SNX25: variants seen among roughly 807,000 people sequenced by gnomAD.
SNX25 encodes the protein sorting nexin 25.
In SNX25, 62 loss-of-function variants were observed where a neutral mutation model predicts 113.7. The observed-to-expected ratio is 0.55, with a 90% CI of 0.44 to 0.67. The LOEUF is 0.67. Ranked by LOEUF, SNX25 falls within the 30% of genes least tolerant of loss-of-function variation. SNX25 has a pLI of 0.00. For synonymous variants in SNX25, 421 were observed against 436.2 expected, an observed-to-expected ratio of 0.97 and a Z score of 0.43; for missense variants, 1,014 against 1,161.0, an observed-to-expected ratio of 0.87 and a Z score of 1.84.
chr4:185,226,850 G>A (rs1741073541), intron 1 of SNX25, among the ~76,000 whole-genome samples: 1 of 151,870 alleles, frequency 6.6e-6, no homozygotes, highest in Admixed American at 6.6e-5. Flanking sequence ...TTAATCCAAT[G>A]TTTTGTAAAC....
downstream of SNX25, chr4:185,370,890 C>CT (rs1173774836): frequency 6.8e-7 from 1 of 1,477,466 alleles, no homozygotes; most frequent in African/African-American, 1.4e-5. Flanking sequence ...CGCCTAGAGA[C>CT]TGTCCTTGTG....
chr4:185,215,774 G>A (rs750621050), intron 1 of SNX25, among the ~76,000 whole-genome samples: 10 of 151,458 alleles, frequency 6.6e-5, no homozygotes, highest in East Asian at 1.9e-4. Flanking sequence ...TGGTATAAGC[G>A]TTGTTTTACT....
chr4:185,278,868 G>A (rs565981133), intron 5 of SNX25, among the ~76,000 whole-genome samples: 51 of 152,238 alleles, frequency 3.4e-4, no homozygotes, highest in African/African-American at 1.1e-3. Flanking sequence ...AAAACTATGA[G>A]GAACAGTAGT....
intron 6 of SNX25, among the ~76,000 whole-genome samples, chr4:185,292,451 G>A (rs560699400): frequency 2.0e-5 from 3 of 152,144 alleles, no homozygotes; most frequent in African/African-American, 7.2e-5. Flanking sequence ...CGGGCTGGAG[G>A]GCAATGACAC....
intron 5 of SNX25, among the ~76,000 whole-genome samples, chr4:185,270,510 G>T (rs1021038200): frequency 2.6e-5 from 4 of 152,204 alleles, no homozygotes; most frequent in Non-Finnish European, 4.4e-5. Context: ...CTAAACTGAA[G>T]AATACCTTTT....
intron 4 of SNX25, among the ~76,000 whole-genome samples, chr4:185,266,729 C>T (rs955922171): frequency 6.6e-6 from 1 of 152,108 alleles, no homozygotes; most frequent in African/African-American, 2.4e-5. Context: ...TTTTACATTT[C>T]ACTTATTTAT....
intron 1 of SNX25, among the ~76,000 whole-genome samples, chr4:185,233,676 A>G (rs1360081914): frequency 6.6e-6 from 1 of 152,068 alleles, no homozygotes; most frequent in Non-Finnish European, 1.5e-5. Flanking sequence ...TTTCAAGTAC[A>G]TGTTCTGATT....
chr4:185,318,889 C>A lies in SNX25; in HGVS notation c.1345-1844C>A, dbSNP rs147475043. On this transcript the variant is annotated intron_variant, in intron 7 of 18. Coordinates refer to ENST00000652585, the MANE Select transcript of SNX25 (RefSeq NM_001378034.2). ...CTGAGTCATGCAGGAAGCTGTCTTT[C>A]CTTTTGTTCCTCAGCAGAAGCTACA... Among the ~76,000 whole-genome samples, 1,282 of 152,250 alleles carry A rather than the reference C, an allele frequency of 8.4e-3. 16 individuals carry two copies. Among genetic ancestry groups the A allele is most frequent in the African/African-American group, 0.029 (1,220 of 41,540 alleles).
intron 1 of SNX25, among the ~76,000 whole-genome samples, chr4:185,239,407 C>T (rs1029928287): frequency 2.0e-5 from 3 of 152,156 alleles, no homozygotes; most frequent in Non-Finnish European, 4.4e-5. Flanking sequence ...GGCTTGAACC[C>T]AGGACGCGGA....
intron 3 of SNX25, among the ~76,000 whole-genome samples, chr4:185,259,991 A>G (rs11943200): frequency 0.028 from 4,248 of 152,176 alleles, 86 homozygotes; most frequent in Middle Eastern, 0.068. Flanking sequence ...GAGCCGTGAC[A>G]TGCCCACGGT....
In SNX25 at chr4:185,314,846, G is replaced by C. The variant is rs573384531; in HGVS notation, c.1344+4030G>C. Among the ~76,000 whole-genome samples the C allele has an allele frequency of 1.5e-3, 181 of 117,148 alleles. 1 individual carries two copies. Among genetic ancestry groups the C allele is most frequent in the Middle Eastern group, 6.4e-3 (1 of 156 alleles). 76.9% of individuals were successfully genotyped at this position (117,148 alleles called of 152,430 possible). ...GCACTCAAGCCTGGCGACAAAGTGA[G>C]ACTCTGTCTCAAAAAAAAAAAAAAA... On this transcript the variant is annotated intron_variant, in intron 7 of 18. Coordinates refer to ENST00000652585, the MANE Select transcript of SNX25 (RefSeq NM_001378034.2).
the SNX25 span, chr4:185,377,240 G>A: frequency 3.7e-4 from 178 of 475,890 alleles, 1 homozygote; most frequent in African/African-American, 3.2e-3. Flanking sequence ...AATACTGGCC[G>A]GGCGCGGTGG....
At chr4:185,343,211 C>T (rs2095269177) in intron 12 of SNX25, among the ~76,000 whole-genome samples, 1 of 152,086 alleles carries the variant, frequency 6.6e-6, no homozygotes. Context: ...TTATCACTCA[C>T]TTGCTTTTTG....
intron 6 of SNX25, among the ~76,000 whole-genome samples, chr4:185,305,593 A>G (rs961715764): frequency 3.3e-5 from 5 of 152,188 alleles, no homozygotes; most frequent in Non-Finnish European, 5.9e-5. Context: ...TTGCTTAAGG[A>G]AGAATTATAT....
chr4:185,369,749 G>A (rs2095408582), intron 11 of SNX25: 2 of 445,662 alleles, frequency 4.5e-6, no homozygotes, highest in African/African-American at 4.0e-5. Flanking sequence ...GAATCCCACA[G>A]GGAACTTCAA....
intron 1 of SNX25, among the ~76,000 whole-genome samples, chr4:185,212,221 G>T (rs887233016): frequency 1.3e-5 from 2 of 151,522 alleles, no homozygotes; most frequent in Admixed American, 6.6e-5. Flanking sequence ...CAAATGATCC[G>T]CCCTCCTCAG....
In SNX25 at chr4:185,358,043, A is replaced by C. The variant is rs1033176337; in HGVS notation, c.2651+306A>C. Among the ~76,000 whole-genome samples the C allele has an allele frequency of 2.6e-5, 4 of 152,298 alleles. No homozygotes were observed. The East Asian group carries it at 7.7e-4, about 29-fold the overall frequency. ...CATGACGACGAGTTTGAGTATCTTG[A>C]GTAGAATGTTTTTATGTCAAATAAT... is the stretch of plus-strand genomic sequence containing the variant. On this transcript the variant is annotated intron_variant, in intron 16 of 18. Transcript: ENST00000652585.
chr4:185,217,738 T>C (rs1007308918), intron 1 of SNX25, among the ~76,000 whole-genome samples: 3 of 152,152 alleles, frequency 2.0e-5, no homozygotes, highest in African/African-American at 7.2e-5. Context: ...TTCTTTATAG[T>C]CAGAATGGTA....
chr4:185,223,729 C>T (rs898362882), intron 1 of SNX25, among the ~76,000 whole-genome samples: 6 of 124,826 alleles, frequency 4.8e-5, no homozygotes, highest in African/African-American at 8.9e-5. Flanking sequence ...TGCAGTGAGC[C>T]GAGATCGTGC....
Sources: gnomAD v4.1 joint callset for allele counts (sites outside exome capture counted in the v4.1 genomes callset) on GRCh38, gnomAD v4.1.1 for gene constraint, MANE v1.5 for transcripts, NCBI Gene and HGNC (gene_info 2026-07-23, HGNC 2026-07-21) for gene names.